Variants in HIP1 observed in about 807,000 individuals in gnomAD.
The protein encoded by HIP1 is huntingtin-interacting protein 1.
Under a neutral mutation model 147.6 loss-of-function variants are expected in HIP1, and 65 were observed. That is an observed-to-expected ratio of 0.44 (90% confidence interval 0.36 to 0.54). HIP1 has a LOEUF of 0.54. HIP1 is among the 20% of genes least tolerant of loss of function. HIP1 has a pLI of 0.00. For synonymous variants in HIP1, 479 were observed against 504.0 expected (o/e 0.95, Z 0.67); for missense variants, 1,061 against 1,299.6 (o/e 0.82, Z 2.82).
intron 1 of HIP1, among the ~76,000 whole-genome samples, chr7:75,736,579 T>G (rs921767587): frequency 1.3e-5 from 2 of 152,000 alleles, no homozygotes; most frequent in Non-Finnish European, 2.9e-5. Flanking sequence ...AAAAGGAATA[T>G]ACACACTGTT....
chr7:75,600,714 G>C (rs1452365996), intron 1 of HIP1, among the ~76,000 whole-genome samples: 1 of 152,010 alleles, frequency 6.6e-6, no homozygotes, highest in Admixed American at 6.6e-5. Flanking sequence ...GTATCTCCCG[G>C]AAAATTCTGC....
chr7:75,685,896 T>TTTG (rs1185726216), intron 1 of HIP1, among the ~76,000 whole-genome samples: 1 of 151,784 alleles, frequency 6.6e-6, no homozygotes, highest in Non-Finnish European at 1.5e-5. Flanking sequence ...GTGGCCTTTT[T>TTTG]TTGTTGTTGT....
In HIP1 at chr7:75,559,802, T is replaced by C. The variant is rs1554494185; in HGVS notation, c.1305A>G (p.Ala435=). The change falls in exon 14 of 31, where the codon GCA becomes GCG. Residue 435 remains alanine (A), a synonymous_variant. Transcript: ENST00000336926. ...GCTGCCTCCTGAGCTCGTCCAGTTCTGCCCGCAGGAATTCACAGTCGTCGG... is the reference window on the plus strand; with the variant it reads ...GCTGCCTCCTGAGCTCGTCCAGTTCCGCCCGCAGGAATTCACAGTCGTCGG... ...QAADDCEFLR[A]ELDELRRQRE... 6.2e-7 allele frequency: 1 copy of C among 1,605,396 alleles called. No individual in the cohort carries two copies. The highest frequency in any genetic ancestry group is 1.3e-5 in the African/African-American group (1 of 74,524).
chr7:75,592,747 C>T (rs1230410010), intron 2 of HIP1, among the ~76,000 whole-genome samples: 1 of 152,182 alleles, frequency 6.6e-6, no homozygotes, highest in Non-Finnish European at 1.5e-5. Context: ...AGAGCTAAGA[C>T]ACCACAGAAC....
At position 75,651,193 on chromosome 7, in the gene HIP1, C is replaced by T. The variant is rs1186902248; in HGVS notation, c.121-51946G>A. On this transcript the variant is annotated intron_variant, in intron 1 of 30. Coordinates refer to ENST00000336926, the MANE Select transcript of HIP1 (RefSeq NM_005338.7). ...TCTTCAAAGACCTGAGGCACAGTGG[C>T]TCACACCTGTAATCCCAGCACTTTG... Among the ~76,000 whole-genome samples the T allele has an allele frequency of 2.6e-5, 4 of 151,918 alleles. No homozygotes were observed. The East Asian group carries it at 7.7e-4, about 29-fold the overall frequency.
At chr7:75,547,589 A>ATCCACCAGCCACCAG (rs1268329165) in intron 24 of HIP1, among the ~76,000 whole-genome samples, 166 bp downstream of exon 24, 2 of 152,098 alleles carry the variant, frequency 1.3e-5, no homozygotes, top group African/African-American at 4.8e-5. Flanking sequence ...TGAAACAGCA[A>ATCCACCAGCCACCAG]TATTGCTGTC....
rs78006792 is a variant in HIP1 at position 75,618,974 on chromosome 7, C to G, written c.121-19727G>C. ...GCCTCCCACCCAACATCCTTGACATCCCACCTTTTGTTCTATTTCTGCAGG... is the reference window on the plus strand; with the variant it reads ...GCCTCCCACCCAACATCCTTGACATGCCACCTTTTGTTCTATTTCTGCAGG... On this transcript the variant is annotated intron_variant, in intron 1 of 30. Transcript: ENST00000336926. Among the ~76,000 whole-genome samples, 1,424 of 152,218 alleles carry G rather than the reference C, an allele frequency of 9.4e-3. 22 individuals are homozygous for G. The highest frequency in any genetic ancestry group is 0.033 in the African/African-American group (1,354 of 41,548).
chr7:75,533,918 CAGAG>C lies in HIP1; in HGVS notation c.*4250_*4253del, dbSNP rs1297854175. On this transcript the variant is annotated 3_prime_UTR_variant, in exon 31 of 31. Coordinates refer to ENST00000336926, the MANE Select transcript of HIP1 (RefSeq NM_005338.7). ...TGCAGTCTCTGGAGGACAAGGATGG[CAGAG>C]AGAGGGCAAAGCCAGTTTGCTTGGA... 2.6e-5 allele frequency: 6 copies of C among 233,206 alleles called. No homozygotes were observed. The highest frequency in any genetic ancestry group is 1.7e-4 in the Admixed American group (3 of 17,764). The allele number at this position is 233,206 out of a possible 1,614,324, so 14.4% of individuals were successfully genotyped here.
intron 1 of HIP1, among the ~76,000 whole-genome samples, chr7:75,681,189 G>A (rs1014951186): frequency 2.6e-5 from 4 of 151,912 alleles, no homozygotes; most frequent in South Asian, 2.1e-4. Context: ...CTGGGATTAC[G>A]GGCATGAGCC....
At chr7:75,657,764 A>T (rs890053019) in intron 1 of HIP1, among the ~76,000 whole-genome samples, 3 of 151,844 alleles carry the variant, frequency 2.0e-5, no homozygotes, top group African/African-American at 7.3e-5. Flanking sequence ...AGGGGGAGAA[A>T]GGCTGAAAAA....
At chr7:75,654,870 C>T (rs1479871652) in intron 1 of HIP1, among the ~76,000 whole-genome samples, 1 of 152,088 alleles carries the variant, frequency 6.6e-6, no homozygotes, top group Admixed American at 6.6e-5. Context: ...AAGAAATTAG[C>T]CGGGCATGGT....
At position 75,688,647 on chromosome 7, in the gene HIP1, T is replaced by C. The variant is rs546959703; in HGVS notation, c.120+50154A>G. On this transcript the variant is annotated intron_variant, in intron 1 of 30. Transcript: ENST00000336926. The stretch of plus-strand genomic sequence containing the variant: ...CACCACCAGCAGCTGCCTACTCCCT[T>C]CCTCCCTCCCTCGGTGGCCTTTGGT... Among the ~76,000 whole-genome samples the C allele has an allele frequency of 2.4e-4, 36 of 151,714 alleles. 2 individuals carry two copies. The South Asian group carries it at 7.6e-3, about 32-fold the overall frequency.
chr7:75,558,687 C>A lies in HIP1; in HGVS notation c.1376-432G>T, dbSNP rs782641182. Among the ~76,000 whole-genome samples the A allele has an allele frequency of 9.2e-5, 14 of 152,260 alleles. 1 individual carries two copies. The highest frequency in any genetic ancestry group is 1.8e-4 in the Non-Finnish European group (12 of 68,008). On this transcript the variant is annotated intron_variant, in intron 14 of 30. Transcript: ENST00000336926. ...GAAAGTCCTACTTACAGAAACTTCT[C>A]CAGGAAGTCATCTTTAAAAAGAATT...
intron 23 of HIP1, among the ~76,000 whole-genome samples, chr7:75,548,138 T>C (rs1794642593): frequency 6.6e-6 from 1 of 152,018 alleles, no homozygotes; most frequent in Admixed American, 6.6e-5. Context: ...AAGTGATTCT[T>C]CTGCCTCAGC....
intron 22 of HIP1, among the ~76,000 whole-genome samples, chr7:75,551,188 A>ATTTTT (rs1794768444): frequency 8.7e-5 from 4 of 45,786 alleles, no homozygotes; most frequent in Non-Finnish European, 1.3e-4. Flanking sequence ...TGTAGATGAT[A>ATTTTT]ATTTTTTTTT....
chr7:75,699,389 T>C (rs6969861), intron 1 of HIP1, among the ~76,000 whole-genome samples: 83,692 of 152,078 alleles, frequency 0.55, 23,780 homozygotes, highest in African/African-American at 0.68. Context: ...ACTTGTTTAT[T>C]AATTCTAAGA....
At chr7:75,647,697 C>T (rs1798848802) in intron 1 of HIP1, among the ~76,000 whole-genome samples, 3 of 152,238 alleles carry the variant, frequency 2.0e-5, no homozygotes, top group African/African-American at 4.8e-5. Flanking sequence ...GCTCCAAGGC[C>T]CTGCTGGCCC....
intron 9 of HIP1, among the ~76,000 whole-genome samples, chr7:75,564,707 C>T (rs1439163272): frequency 6.6e-6 from 1 of 152,040 alleles, no homozygotes; most frequent in East Asian, 1.9e-4. Context: ...GGGATCCTCT[C>T]ACCTCAGCCT....
chr7:75,598,468 T>C (rs111834160), intron 2 of HIP1, among the ~76,000 whole-genome samples: 1 of 151,242 alleles, frequency 6.6e-6, no homozygotes, highest in Non-Finnish European at 1.5e-5. Context: ...GAGATAACTA[T>C]TGATTATGCA....
Sources: gnomAD v4.1 joint callset for allele counts (sites outside exome capture counted in the v4.1 genomes callset) on GRCh38, gnomAD v4.1.1 for gene constraint, MANE v1.5 for transcripts, NCBI Gene and HGNC (gene_info 2026-07-23, HGNC 2026-07-21) for gene names.